RBM39: variants seen among roughly 807,000 people sequenced by gnomAD.
RBM39 encodes RNA binding motif protein 39, also known as RNA-binding protein 39.
In RBM39, 12 loss-of-function variants were observed where a neutral mutation model predicts 79.6. That is an observed-to-expected ratio of 0.15 (90% confidence interval 0.10 to 0.24). The LOEUF is 0.24. RBM39 is among the 10% of genes least tolerant of loss of function. The pLI, the probability that RBM39 is intolerant of heterozygous loss-of-function variation, is 1.00. For synonymous variants in RBM39, 185 were observed against 208.4 expected, an observed-to-expected ratio of 0.89 and a Z score of 0.97; for missense variants, 243 against 653.4, an observed-to-expected ratio of 0.37 and a Z score of 6.85.
intron 9 of RBM39, among the ~76,000 whole-genome samples, chr20:35,719,193 G>T (rs1482411000): frequency 6.6e-6 from 1 of 151,948 alleles, no homozygotes; most frequent in African/African-American, 2.4e-5. Context: ...ACCCAAGACC[G>T]GCTAATTTTT....
At chr20:35,722,326 G>A (rs1407685762) in intron 8 of RBM39, among the ~76,000 whole-genome samples, 1 of 151,320 alleles carries the variant, frequency 6.6e-6, no homozygotes, top group Non-Finnish European at 1.5e-5. Flanking sequence ...AGAATGGCAT[G>A]AACCCAGGAG....
intron 15 of RBM39, 180 bp from the exon 16 acceptor site, chr20:35,704,926 A>G (rs1197366679): frequency 8.2e-6 from 5 of 611,388 alleles, no homozygotes; most frequent in Non-Finnish European, 1.4e-5. Context: ...TCTACTCTCA[A>G]ATTTGCCGTT....
At chr20:35,718,060 C>T (rs1348227516) in intron 9 of RBM39, among the ~76,000 whole-genome samples, 2 of 151,896 alleles carry the variant, frequency 1.3e-5, no homozygotes, top group Admixed American at 6.6e-5. Context: ...GGGGTTTCAC[C>T]GAGTTTGCCA....
chr20:35,727,828 T>G (rs374500951), intron 6 of RBM39, among the ~76,000 whole-genome samples: 2 of 152,150 alleles, frequency 1.3e-5, no homozygotes, highest in East Asian at 1.9e-4. Context: ...TTTTTGTATT[T>G]TTTAGTACAG....
At chr20:35,713,249 G>A (rs913208659) in intron 11 of RBM39, 153 bp from the exon 12 acceptor site, 1 of 555,862 alleles carries the variant, frequency 1.8e-6, no homozygotes, top group Non-Finnish European at 3.1e-6. Flanking sequence ...CACTCTGGGA[G>A]GCCAAGGGAG....
At chr20:35,729,560 A>G (rs1334263232) in intron 4 of RBM39, 33 bp from the exon 5 acceptor site, 1 of 1,592,378 alleles carries the variant, frequency 6.3e-7, no homozygotes, top group Non-Finnish European at 8.6e-7. Flanking sequence ...CACTAGTTAC[A>G]GGTTTAGGGT....
chr20:35,738,200 G>A (rs1030554329), intron 3 of RBM39, among the ~76,000 whole-genome samples: 1 of 151,666 alleles, frequency 6.6e-6, no homozygotes, highest in Non-Finnish European at 1.5e-5. Context: ...CCCAGGAGGC[G>A]GAGGTTGCAG....
At chr20:35,723,185 A>C (rs1356669014) in intron 8 of RBM39, among the ~76,000 whole-genome samples, 1 of 151,996 alleles carries the variant, frequency 6.6e-6, no homozygotes, top group African/African-American at 2.4e-5. Flanking sequence ...ATCACCAAGC[A>C]AACATTTTGA....
chr20:35,739,463 G>A (rs1344884734), intron 2 of RBM39: 4 of 471,116 alleles, frequency 8.5e-6, no homozygotes, highest in African/African-American at 2.0e-5. Flanking sequence ...TCCTGTGACC[G>A]ATGCCATTCC....
chr20:35,711,216 T>C (rs2036366445), intron 12 of RBM39, among the ~76,000 whole-genome samples: 1 of 152,162 alleles, frequency 6.6e-6, no homozygotes, highest in African/African-American at 2.4e-5. Flanking sequence ...TTTAGTGGAA[T>C]ACCTAGAACA....
intron 6 of RBM39, among the ~76,000 whole-genome samples, chr20:35,725,637 A>G (rs891377398): frequency 4.0e-5 from 6 of 150,972 alleles, no homozygotes; most frequent in Non-Finnish European, 7.4e-5. Flanking sequence ...CTGGTTTGTC[A>G]TAATTCCCAA....
rs182990500 is a variant in RBM39, at chr20:35,701,899, G to A, written c.*2582C>T. The A allele has an allele frequency of 5.9e-5, 8 of 135,948 alleles. No individual in the cohort carries two copies. Among genetic ancestry groups the A allele is most frequent in the African/African-American group, 2.5e-4 (8 of 32,534 alleles). 8.4% of individuals were successfully genotyped at this position (135,948 alleles called of 1,614,324 possible). A position where few individuals can be genotyped will look rare whatever the true frequency, so the allele number is the denominator to read the frequency against. On this transcript the variant is annotated 3_prime_UTR_variant, in exon 17 of 17. Transcript: ENST00000253363. The stretch of plus-strand genomic sequence containing the variant: ...CATAAGGCACCACGTCCAGCCCGAG[G>A]TTGTTATTTAGATATACCTAGTGGC...
chr20:35,732,275 A>G, intron 3 of RBM39, 140 bp from the exon 4 acceptor site: 1 of 624,630 alleles, frequency 1.6e-6, no homozygotes, highest in Non-Finnish European at 2.4e-6. Flanking sequence ...GTACATAATC[A>G]TACTTAAAAA....
At chr20:35,715,985 A>G (rs181976620) in intron 10 of RBM39, among the ~76,000 whole-genome samples, 18 of 152,348 alleles carry the variant, frequency 1.2e-4, no homozygotes, top group Non-Finnish European at 2.5e-4. Context: ...ACAGACTCTG[A>G]GCAGCTGTTA....
intron 4 of RBM39, among the ~76,000 whole-genome samples, chr20:35,729,853 A>C (rs11477002): frequency 0.081 from 12,341 of 151,516 alleles, 928 homozygotes; most frequent in African/African-American, 0.2. Context: ...TAAAAAAAAA[A>C]AAACACACAC....
At chr20:35,723,645 C>G (rs1464265254) in intron 8 of RBM39, among the ~76,000 whole-genome samples, 1 of 152,120 alleles carries the variant, frequency 6.6e-6, no homozygotes, top group Non-Finnish European at 1.5e-5. Flanking sequence ...ACCATGTTGG[C>G]CAGGCTGGTC....
intron 9 of RBM39, among the ~76,000 whole-genome samples, 168 bp downstream of exon 9, chr20:35,721,572 A>G (rs1488876636): frequency 1.3e-5 from 2 of 152,266 alleles, no homozygotes; most frequent in Non-Finnish European, 2.9e-5. Flanking sequence ...TTAAGAATCT[A>G]TCAAGTGACC....
intron 11 of RBM39, 82 bp from the exon 12 acceptor site, chr20:35,713,178 T>C (rs1206866747): frequency 8.3e-7 from 1 of 1,204,958 alleles, no homozygotes; most frequent in African/African-American, 1.5e-5. Flanking sequence ...TCATGATCAC[T>C]TCACTAAAAT....
intron 3 of RBM39, chr20:35,734,394 A>G: frequency 3.1e-6 from 1 of 323,724 alleles, no homozygotes; most frequent in Non-Finnish European, 6.0e-6. Flanking sequence ...TAACACTCCA[A>G]TTTTGTTGCC....
Sources: allele counts gnomAD v4.1 joint callset (sites outside exome capture counted in the v4.1 genomes callset), GRCh38; gene constraint gnomAD v4.1.1; transcripts MANE v1.5; gene names NCBI Gene and HGNC (gene_info 2026-07-23, HGNC 2026-07-21).